The following IFNAR2 variants were observed in gnomAD, a reference collection of about 807,000 sequenced individuals.
The protein encoded by IFNAR2 is interferon alpha/beta receptor 2.
IFNAR2 carries 30 observed loss-of-function variants against 49.4 expected under a neutral mutation model. The ratio of observed to expected loss-of-function variants is 0.61; its 90% CI spans 0.45 to 0.82. The LOEUF (loss-of-function observed/expected upper bound fraction) is 0.82, where lower values mean the gene tolerates loss of function less well. Ranked by LOEUF, IFNAR2 falls within the 40% of genes least tolerant of loss-of-function variation. The pLI is 0.00. For synonymous variants in IFNAR2, 224 were observed against 234.5 expected, an observed-to-expected ratio of 0.96 and a Z score of 0.41; for missense variants, 600 against 622.7, an observed-to-expected ratio of 0.96 and a Z score of 0.39.
intron 1 of IFNAR2, among the ~76,000 whole-genome samples, chr21:33,237,083 GTGTGTGTGT>G: frequency 6.6e-6 from 1 of 151,086 alleles, no homozygotes; most frequent in Admixed American, 6.6e-5. Context: ...AATGGGGTGT[GTGTGTGTGT>G]GTGTGTGTGT....
At chr21:33,241,022 T>C (rs534869545) in intron 1 of IFNAR2, among the ~76,000 whole-genome samples, 10 of 152,304 alleles carry the variant, frequency 6.6e-5, no homozygotes, top group Non-Finnish European at 1.5e-4. Context: ...TGTGGAATGA[T>C]AGTCATTACT....
chr21:33,258,710 T>C (rs1988375978), intron 7 of IFNAR2, among the ~76,000 whole-genome samples: 1 of 152,188 alleles, frequency 6.6e-6, no homozygotes, highest in Non-Finnish European at 1.5e-5. Flanking sequence ...AGGCAGGATA[T>C]GCCTGGCACG....
rs1568881018 is a variant in IFNAR2 at position 33,241,894 on chromosome 21, G to C, written c.-29G>C. On this transcript the variant is annotated 5_prime_UTR_variant, in exon 2 of 9. Transcript: ENST00000342136. The stretch of plus-strand genomic sequence containing the variant: ...CCTAATGTTGATTTCAGATGTAAAA[G>C]TCAAGAGAAGACTCTAAAAATAGCA... The C allele has an allele frequency of 8.1e-6, 13 of 1,608,984 alleles. No homozygotes were observed. The highest frequency in any genetic ancestry group is 1.1e-5 in the Non-Finnish European group (13 of 1,176,244).
chr21:33,257,920 A>G (rs1222092972), intron 7 of IFNAR2, among the ~76,000 whole-genome samples: 1 of 152,220 alleles, frequency 6.6e-6, no homozygotes, highest in Non-Finnish European at 1.5e-5. Flanking sequence ...TGTGGTAAGC[A>G]GAATAATGGC....
At chr21:33,246,940 A>G in intron 5 of IFNAR2, 50 bp downstream of exon 5, 1 of 1,487,074 alleles carries the variant, frequency 6.7e-7, no homozygotes, top group Non-Finnish European at 9.3e-7. Context: ...CAAGATCTTT[A>G]TTATTTGCTA....
chr21:33,247,642 A>G (rs1470008250), intron 5 of IFNAR2, among the ~76,000 whole-genome samples: 4 of 152,144 alleles, frequency 2.6e-5, no homozygotes, highest in Non-Finnish European at 5.9e-5. Flanking sequence ...CCTAGTACCC[A>G]AAGCTCAGAG....
At chr21:33,247,410 C>T (rs761058184) in intron 5 of IFNAR2, among the ~76,000 whole-genome samples, 7 of 151,986 alleles carry the variant, frequency 4.6e-5, no homozygotes, top group Non-Finnish European at 1.0e-4. Flanking sequence ...CACCACCATA[C>T]CTGGCTCATT....
chr21:33,262,098 T>G (rs1046330417), intron 8 of IFNAR2, among the ~76,000 whole-genome samples: 9 of 151,866 alleles, frequency 5.9e-5, no homozygotes, highest in Non-Finnish European at 1.3e-4. Context: ...CCAGGCGCGG[T>G]GGCCACGCCT....
chr21:33,263,259 A>T lies in IFNAR2; in HGVS notation c.1307A>T (p.Asp436Val). Residue 436 changes from aspartate (D) to valine (V), a missense_variant, in exon 9 of 9, where the codon GAT becomes GTT. Physicochemically the swap from Asp to Val is radical, Grantham distance 152. Coordinates refer to ENST00000342136, the MANE Select transcript of IFNAR2 (RefSeq NM_001289125.3). ...DLNSVFLRVLDDEDSDDLEAP... is the reference protein window; with the variant it reads ...DLNSVFLRVLVDEDSDDLEAP... ...AACTCTGTGTTTTTGAGAGTTCTTG[A>T]TGACGAGGACAGTGACGACTTAGAA... 4 of 1,614,198 alleles carry T rather than the reference A, an allele frequency of 2.5e-6. No individual in the cohort carries two copies. The highest frequency in any genetic ancestry group is 3.4e-6 in the Non-Finnish European group (4 of 1,180,040).
At chr21:33,262,104 C>T (rs1407112599) in intron 8 of IFNAR2, among the ~76,000 whole-genome samples, 1 of 152,114 alleles carries the variant, frequency 6.6e-6, no homozygotes, top group East Asian at 1.9e-4. Flanking sequence ...GCGGTGGCCA[C>T]GCCTATAAAC....
rs779027286 is a variant in IFNAR2, at chr21:33,260,615, A to G, written c.728A>G (p.Lys243Arg). 2.5e-5 allele frequency: 40 copies of G among 1,584,146 alleles called. No homozygotes were observed. Among genetic ancestry groups the G allele is most frequent in the Non-Finnish European group, 3.4e-5 (40 of 1,172,098 alleles). The stretch of plus-strand genomic sequence containing the variant: ...TCAACAGAATCAGCAGAATCTGCCA[A>G]AATAGGAGGAATAATTACTGTGTTT... Reference protein sequence around the residue: ...GQESESAESAKIGGIITVFLI... With the variant: ...GQESESAESARIGGIITVFLI... The change falls in exon 8 of 9, where the codon AAA (lysine) becomes AGA (arginine). Residue 243 changes from lysine (K) to arginine (R), a missense_variant. Coordinates refer to ENST00000342136, the MANE Select transcript of IFNAR2 (RefSeq NM_001289125.3).
At chr21:33,243,555 G>T in intron 2 of IFNAR2, 118 bp from the exon 3 acceptor site, 1 of 961,278 alleles carries the variant, frequency 1.0e-6, no homozygotes. Context: ...TTTGGCACAA[G>T]AAAAATCTCA....
chr21:33,230,989 C>T lies in IFNAR2; in HGVS notation c.-84+773C>T, dbSNP rs139060137. Among the ~76,000 whole-genome samples the T allele has an allele frequency of 4.6e-5, 7 of 151,306 alleles. No homozygotes were observed. The highest frequency in any genetic ancestry group is 6.8e-3 in the Middle Eastern group (2 of 294). On this transcript the variant is annotated intron_variant, in intron 1 of 8. Coordinates refer to ENST00000342136, the MANE Select transcript of IFNAR2 (RefSeq NM_001289125.3). The surrounding 1 kb of genome is among the most constrained non-coding windows in gnomAD (Gnocchi z 5.5). ...GTTATATTGACTCTGAGTATTCCCA[C>T]CTCCTTTCTTTTAACATTTTTTTTT... is the stretch of plus-strand genomic sequence containing the variant.
chr21:33,242,016 G>C, intron 2 of IFNAR2, 39 bp downstream of exon 2: 1 of 1,594,724 alleles, frequency 6.3e-7, no homozygotes, highest in Non-Finnish European at 8.6e-7. Flanking sequence ...ATAGAAGCAA[G>C]CTGTGATGCC....
chr21:33,257,567 G>A (rs1322130618), intron 7 of IFNAR2, among the ~76,000 whole-genome samples: 1 of 148,164 alleles, frequency 6.7e-6, no homozygotes, highest in African/African-American at 2.5e-5. Flanking sequence ...GCGCTGATTG[G>A]TGCGTTTTAG....
At chr21:33,250,424 A>T (rs907861650) in intron 6 of IFNAR2, among the ~76,000 whole-genome samples, 1 of 151,634 alleles carries the variant, frequency 6.6e-6, no homozygotes, top group Non-Finnish European at 1.5e-5. Context: ...TTAAATCCAG[A>T]AAAAAAAATA....
chr21:33,233,425 G>A (rs1023649163), intron 1 of IFNAR2, among the ~76,000 whole-genome samples: 6 of 152,180 alleles, frequency 3.9e-5, no homozygotes, highest in Non-Finnish European at 8.8e-5. Context: ...AAAATGGTCT[G>A]TAGGCCAAAG....
Position 33,248,867 on chromosome 21 carries a change from T to C in IFNAR2, c.540+13T>C. Reference sequence around the variant, plus strand: ...AATTGTTAAGAAGGTAAGTGGCTTCTCCTGTTAGGATCAAAACAGTTCTGA... The same window carrying C: ...AATTGTTAAGAAGGTAAGTGGCTTCCCCTGTTAGGATCAAAACAGTTCTGA... On this transcript the variant is annotated intron_variant, in intron 6 of 8. Coordinates refer to ENST00000342136, the MANE Select transcript of IFNAR2 (RefSeq NM_001289125.3). 1 of 1,579,672 alleles carries C rather than the reference T, an allele frequency of 6.3e-7. No homozygotes were observed. The highest frequency in any genetic ancestry group is 8.6e-7 in the Non-Finnish European group (1 of 1,162,258).
chr21:33,262,275 A>G (rs924672735), intron 8 of IFNAR2, among the ~76,000 whole-genome samples: 1 of 150,748 alleles, frequency 6.6e-6, no homozygotes, highest in African/African-American at 2.4e-5. Context: ...TGAGGCAGAG[A>G]ATTGCTTGAA....
Sources: allele counts gnomAD v4.1 joint callset (sites outside exome capture counted in the v4.1 genomes callset), GRCh38; gene constraint gnomAD v4.1.1; non-coding constraint Gnocchi (gnomAD v3.1); transcripts MANE v1.5; gene names NCBI Gene and HGNC (gene_info 2026-07-23, HGNC 2026-07-21).